Variants in TGS1 observed in about 807,000 individuals in gnomAD.
TGS1 encodes trimethylguanosine synthase.
A neutral mutation model predicts 92.2 loss-of-function variants in TGS1; 69 were observed. The ratio of observed to expected loss-of-function variants is 0.75; its 90% CI spans 0.62 to 0.91. TGS1 has a LOEUF of 0.91. Ranked by LOEUF, TGS1 falls within the 40% of genes least tolerant of loss-of-function variation. The probability of loss-of-function intolerance (pLI) is 0.00; values close to 1 mark genes in which losing one functional copy is unlikely to be tolerated. For missense variants in TGS1, 1,062 were observed against 1,001.2 expected, an observed-to-expected ratio of 1.06 and a Z score of -0.82; for synonymous variants, 345 against 338.1, an observed-to-expected ratio of 1.02 and a Z score of -0.22.
In TGS1 at chr8:55,813,073, T is replaced by C. The variant is rs766008228; in HGVS notation, c.2394T>C (p.Thr798=). The C allele has an allele frequency of 1.2e-6, 2 of 1,611,202 alleles. No individual in the cohort carries two copies. The highest frequency in any genetic ancestry group is 2.2e-5 in the South Asian group (2 of 90,786). ...FEIFRLSKKI[T]NNIVYFLPRN... is the part of the protein sequence containing the mutation. ...TTTTCAGACTTTCTAAGAAGATCAC[T>C]AATAATATTGTTTATTTTCTTCCAA... The change falls in exon 12 of 13, where the codon ACT becomes ACC. Residue 798 remains threonine (T), a synonymous_variant. Coordinates refer to ENST00000260129, the MANE Select transcript of TGS1 (RefSeq NM_024831.8).
At chr8:55,814,187 A>G (rs1317298195) in intron 12 of TGS1, among the ~76,000 whole-genome samples, 3 of 152,052 alleles carry the variant, frequency 2.0e-5, no homozygotes, top group Non-Finnish European at 4.4e-5. Context: ...GGCTCAAGCA[A>G]TCCTCCTGCC....
At chr8:55,806,528 T>G (rs1812378839) in intron 10 of TGS1, among the ~76,000 whole-genome samples, 1 of 152,120 alleles carries the variant, frequency 6.6e-6, no homozygotes, top group South Asian at 2.1e-4. Flanking sequence ...ATGTGTTAAT[T>G]AACTGTTTAC....
At chr8:55,801,653 A>G (rs1463259036) in intron 8 of TGS1, among the ~76,000 whole-genome samples, 1 of 111,500 alleles carries the variant, frequency 9.0e-6, no homozygotes, top group Non-Finnish European at 1.8e-5. Context: ...CAGTGGTGCA[A>G]TCTCAGCTCA....
intron 1 of TGS1, among the ~76,000 whole-genome samples, chr8:55,781,740 A>G (rs1024264972): frequency 1.3e-5 from 2 of 152,234 alleles, no homozygotes; most frequent in Non-Finnish European, 2.9e-5. Context: ...AAAAGAAGCA[A>G]GAGGATGTGA....
intron 4 of TGS1, among the ~76,000 whole-genome samples, chr8:55,788,584 TAG>T (rs1211218751): frequency 2.0e-4 from 31 of 151,392 alleles, no homozygotes; most frequent in African/African-American, 6.3e-4. Flanking sequence ...GCCTCCCGAG[TAG>T]CTGGGACTAC....
intron 4 of TGS1, among the ~76,000 whole-genome samples, chr8:55,788,212 C>A (rs1185563364): frequency 6.6e-6 from 1 of 152,190 alleles, no homozygotes; most frequent in African/African-American, 2.4e-5. Context: ...CTGAAGACAT[C>A]TAGTGTAGAG....
At chr8:55,784,222 C>T (rs1228037775) in intron 2 of TGS1, among the ~76,000 whole-genome samples, 1 of 152,024 alleles carries the variant, frequency 6.6e-6, no homozygotes, top group Non-Finnish European at 1.5e-5. Flanking sequence ...GGCATATGTT[C>T]AATTAATGGT....
chr8:55,773,593 G>T lies in TGS1; in HGVS notation c.-26G>T, dbSNP rs762469531. The T allele has an allele frequency of 1.9e-6, 3 of 1,593,804 alleles. No individual in the cohort carries two copies. The South Asian group carries it at 3.4e-5, about 18-fold the overall frequency. ...GGCAGGCGCGACCCGGGCTGCGTAC[G>T]TCAGAGCTGCCTCCGAAGTGGTAAA... is the stretch of plus-strand genomic sequence containing the variant. On this transcript the variant is annotated 5_prime_UTR_variant, in exon 1 of 13. Coordinates refer to ENST00000260129, the MANE Select transcript of TGS1 (RefSeq NM_024831.8).
chr8:55,775,452 C>T (rs907685273), intron 1 of TGS1, among the ~76,000 whole-genome samples: 1 of 151,964 alleles, frequency 6.6e-6, no homozygotes, highest in East Asian at 1.9e-4. Flanking sequence ...CCACTTAAGA[C>T]CATTGTTTAG....
At chr8:55,789,861 G>T (rs1003422469) in intron 4 of TGS1, among the ~76,000 whole-genome samples, 1 of 152,198 alleles carries the variant, frequency 6.6e-6, no homozygotes, top group South Asian at 2.1e-4. Context: ...AACTGTGCTT[G>T]ATACAAGAGT....
At chr8:55,817,302 A>G (rs1203116836) in intron 12 of TGS1, among the ~76,000 whole-genome samples, 1 of 152,230 alleles carries the variant, frequency 6.6e-6, no homozygotes, top group African/African-American at 2.4e-5. Context: ...GTAAGTAGAT[A>G]GATAGATAGG....
intron 10 of TGS1, among the ~76,000 whole-genome samples, chr8:55,806,482 A>C (rs749982012): frequency 6.6e-6 from 1 of 151,238 alleles, no homozygotes; most frequent in Non-Finnish European, 1.5e-5. Context: ...TCTTTATTTT[A>C]GTAATACTAC....
Position 55,794,992 on chromosome 8 carries a change from A to G in TGS1, c.1368-986A>G, listed in dbSNP as rs865939966. 9.2e-5 allele frequency among the ~76,000 whole-genome samples: 14 copies of G among 152,348 alleles called. No homozygotes were observed. In the South Asian group the frequency reaches 2.7e-3, roughly 29 times the overall value. On this transcript the variant is annotated intron_variant, in intron 6 of 12. Coordinates refer to ENST00000260129, the MANE Select transcript of TGS1 (RefSeq NM_024831.8). ...TTCAGAAGTACATGTTGACTCTTGTAGTTTCTAAAGATTATCAGTTTTTCT... is the reference window on the plus strand; with the variant it reads ...TTCAGAAGTACATGTTGACTCTTGTGGTTTCTAAAGATTATCAGTTTTTCT...
At chr8:55,815,761 A>T (rs1408640578) in intron 12 of TGS1, among the ~76,000 whole-genome samples, 1 of 152,064 alleles carries the variant, frequency 6.6e-6, no homozygotes, top group African/African-American at 2.4e-5. Flanking sequence ...TTATTACCTC[A>T]ATCTTCTATT....
rs1812318650 is a variant in TGS1 at position 55,804,817 on chromosome 8, G to A, written c.2000-76G>A. ...GCTTTTTAAAAGTATGTAAGATATA[G>A]TAATGTTTGCTATGTTTATGCTTGC... On this transcript the variant is annotated intron_variant, in intron 9 of 12. Coordinates refer to ENST00000260129, the MANE Select transcript of TGS1 (RefSeq NM_024831.8). The A allele has an allele frequency of 5.5e-6, 7 of 1,263,548 alleles. No individual in the cohort carries two copies. In the South Asian group the frequency reaches 9.5e-5, roughly 17 times the overall value. The allele number at this position is 1,263,548 out of a possible 1,614,324, so 78.3% of individuals were successfully genotyped here.
At chr8:55,820,411 G>A (rs1237605342) in intron 12 of TGS1, among the ~76,000 whole-genome samples, 1 of 151,974 alleles carries the variant, frequency 6.6e-6, no homozygotes, top group East Asian at 1.9e-4. Flanking sequence ...AGCCAGGTGC[G>A]CCAGTAATCC....
chr8:55,803,233 A>G (rs1812271495), intron 9 of TGS1, among the ~76,000 whole-genome samples: 2 of 152,164 alleles, frequency 1.3e-5, no homozygotes, highest in Admixed American at 6.5e-5. Flanking sequence ...AAATTATTAA[A>G]CAGAAAACCT....
chr8:55,814,674 A>AAAAAAT (rs1254531524), intron 12 of TGS1, among the ~76,000 whole-genome samples: 3 of 123,334 alleles, frequency 2.4e-5, no homozygotes, highest in African/African-American at 1.1e-4. Flanking sequence ...AAAAAAAAAA[A>AAAAAAT]ATATATATAT....
chr8:55,818,345 TA>T (rs1324970229), intron 12 of TGS1, among the ~76,000 whole-genome samples: 1 of 152,126 alleles, frequency 6.6e-6, no homozygotes, highest in Admixed American at 6.5e-5. Flanking sequence ...CTAATATTTA[TA>T]TTTTTTTGTA....
Sources: allele counts gnomAD v4.1 joint callset (sites outside exome capture counted in the v4.1 genomes callset), GRCh38; gene constraint gnomAD v4.1.1; transcripts MANE v1.5; gene names NCBI Gene and HGNC (gene_info 2026-07-23, HGNC 2026-07-21).